The following TBX1 variants were observed in gnomAD, a reference collection of about 807,000 sequenced individuals.
TBX1 encodes the protein T-box transcription factor TBX1.
Under a neutral mutation model 40.8 loss-of-function variants are expected in TBX1, and 16 were observed. The observed-to-expected ratio is 0.39, with a 90% CI of 0.27 to 0.60. The LOEUF (loss-of-function observed/expected upper bound fraction) is 0.60. Ranked by LOEUF, TBX1 falls within the 20% of genes least tolerant of loss-of-function variation. TBX1 has a pLI of 0.51. For synonymous variants in TBX1, 403 were observed against 336.8 expected (o/e 1.20, Z -2.15); for missense variants, 755 against 728.5 (o/e 1.04, Z -0.42).
rs761327170 is a variant in TBX1 at position 19,766,621 on chromosome 22, C to T, written c.1269C>T (p.His423=). The T allele has an allele frequency of 1.9e-6, 3 of 1,543,180 alleles. No individual in the cohort carries two copies. The highest frequency in any genetic ancestry group is 2.6e-6 in the Non-Finnish European group (3 of 1,153,016). The change falls in exon 7 of 7, where the codon CAC becomes CAT. Residue 423 remains histidine, a synonymous_variant. Transcript: ENST00000649276. ...APGASEPLHH[H]PYKYPAAAYD... ...GCGCATCGGAGCCGCTGCACCACCACCCCTACAAATATCCGGCCGCCGCCT... is the reference window on the plus strand; with the variant it reads ...GCGCATCGGAGCCGCTGCACCACCATCCCTACAAATATCCGGCCGCCGCCT...
At chr22:19,776,158 G>A (rs902157150) in intron 8 of TBX1, among the ~76,000 whole-genome samples, 20 of 152,068 alleles carry the variant, frequency 1.3e-4, no homozygotes, top group African/African-American at 4.1e-4. Flanking sequence ...GGGACAGGCA[G>A]TGCTGTGGCC....
intron 8 of TBX1, among the ~76,000 whole-genome samples, chr22:19,778,912 G>A (rs566522405): frequency 8.8e-4 from 134 of 152,192 alleles, no homozygotes; most frequent in African/African-American, 3.1e-3. Context: ...ATAAGACTCC[G>A]TCTCAAACAA....
intron 8 of TBX1, among the ~76,000 whole-genome samples, chr22:19,775,661 ATGGGGCTGC>A (rs1363512076): frequency 6.6e-6 from 1 of 152,130 alleles, no homozygotes; most frequent in African/African-American, 2.4e-5. Context: ...GTCCGGAGCC[ATGGGGCTGC>A]TGTGGCGAGG....
downstream of TBX1, among the ~76,000 whole-genome samples, chr22:19,780,931 C>T (rs1475017387): frequency 2.0e-5 from 3 of 151,776 alleles, no homozygotes; most frequent in East Asian, 3.9e-4. Context: ...TACAGGTGCC[C>T]GCCACCACGC....
exon 9 of TBX1, chr22:19,779,326 G>A (rs1569031725): frequency 1.2e-6 from 2 of 1,614,180 alleles, no homozygotes; most frequent in African/African-American, 1.3e-5. Context: ...TGAACCTGGG[G>A]CTCCCCTGCC....
downstream of TBX1, among the ~76,000 whole-genome samples, chr22:19,768,929 T>C (rs1390415849): frequency 1.4e-5 from 2 of 146,788 alleles, no homozygotes; most frequent in Admixed American, 1.4e-4. Context: ...GGGCCGCCGC[T>C]GGCCATCCGG....
chr22:19,759,734 G>T, upstream of TBX1: 6 of 1,596,142 alleles, frequency 3.8e-6, no homozygotes, highest in Non-Finnish European at 5.1e-6. Flanking sequence ...TGCCTCAGCT[G>T]CTGTGGGGCC....
chr22:19,766,181 C>G, intron 6 of TBX1, 179 bp downstream of exon 6: 1 of 810,794 alleles, frequency 1.2e-6, no homozygotes, highest in Non-Finnish European at 1.5e-6. Flanking sequence ...CTGCGCCCCG[C>G]CCGCCGCCGC....
chr22:19,775,651 G>A (rs1443925321), intron 8 of TBX1, among the ~76,000 whole-genome samples: 1 of 152,174 alleles, frequency 6.6e-6, no homozygotes, highest in Admixed American at 6.5e-5. Context: ...GGAACCACAG[G>A]TCCGGAGCCA....
intron 4 of TBX1, 28 bp downstream of exon 4, chr22:19,765,141 G>A (rs373404421): frequency 4.8e-4 from 771 of 1,614,004 alleles, no homozygotes; most frequent in Non-Finnish European, 5.8e-4. Flanking sequence ...GGACCTGAGC[G>A]GATTCAACGC....
Position 19,767,138 on chromosome 22 carries a change from A to C in TBX1, c.*271A>C. The C allele has an allele frequency of 1.6e-6, 2 of 1,242,052 alleles. No homozygotes were observed. The highest frequency in any genetic ancestry group is 2.0e-6 in the Non-Finnish European group (2 of 992,704). 76.9% of individuals were successfully genotyped at this position (1,242,052 alleles called of 1,614,324 possible). On this transcript the variant is annotated 3_prime_UTR_variant, in exon 7 of 7. Coordinates refer to ENST00000649276, the MANE Select transcript of TBX1 (RefSeq NM_001379200.1). ...AGGGGGTCCCCGCCCGCCAGTGCCA[A>C]AGCGCCCGGTCGGAGGCGGAAGGAA...
chr22:19,766,732 T>A lies in TBX1; in HGVS notation c.1380T>A (p.His460Gln), dbSNP rs367711718. The A allele has an allele frequency of 2.6e-6, 4 of 1,541,362 alleles. No homozygotes were observed. The highest frequency in any genetic ancestry group is 2.6e-6 in the Non-Finnish European group (3 of 1,153,986). The part of the protein sequence containing the change: ...LRGHGYHPHA[H>Q]PHHHHHPVSP... The stretch of plus-strand genomic sequence containing the variant: ...GCCACGGCTACCACCCGCACGCGCA[T>A]CCGCACCACCACCACCACCCCGTGA... Residue 460 changes from histidine to glutamine, a missense_variant, in exon 7 of 7, where the codon CAT becomes CAA. Coordinates refer to ENST00000649276, the MANE Select transcript of TBX1 (RefSeq NM_001379200.1).
At chr22:19,763,363 G>A (rs768559604) in intron 2 of TBX1, 21 bp downstream of exon 2, 20 of 1,612,216 alleles carry the variant, frequency 1.2e-5, no homozygotes, top group Middle Eastern at 1.6e-4. Flanking sequence ...GGTTGTAAGC[G>A]TGAGGGACCG....
chr22:19,758,078 G>A (rs1936526843), upstream of TBX1, among the ~76,000 whole-genome samples: 1 of 152,146 alleles, frequency 6.6e-6, no homozygotes, highest in South Asian at 2.1e-4. Context: ...CTCAGGCCCA[G>A]GGCCAGCCTC....
intron 8 of TBX1, among the ~76,000 whole-genome samples, chr22:19,778,444 T>G (rs552713079): frequency 9.9e-4 from 150 of 151,672 alleles, no homozygotes; most frequent in Non-Finnish European, 6.0e-4. Context: ...TTCTTCTTTT[T>G]TTTTTTTGAG....
chr22:19,779,637 G>A, downstream of TBX1: 1 of 1,022,340 alleles, frequency 9.8e-7, no homozygotes, highest in Non-Finnish European at 1.4e-6. Flanking sequence ...AACATTGACT[G>A]TAAACTCATT....
intron 8 of TBX1, among the ~76,000 whole-genome samples, chr22:19,772,901 G>A (rs1229922587): frequency 2.0e-5 from 3 of 152,174 alleles, no homozygotes; most frequent in African/African-American, 7.2e-5. Context: ...TCTCCAGCCC[G>A]CCTTTGTGAT....
At chr22:19,779,501 T>C (rs1937117712) in exon 9 of TBX1, 2 of 1,579,838 alleles carry the variant, frequency 1.3e-6, no homozygotes, top group Non-Finnish European at 8.6e-7. Flanking sequence ...AACAGTGACT[T>C]GTTCAGTAAA....
intron 4 of TBX1, among the ~76,000 whole-genome samples, chr22:19,765,410 T>G (rs1936798470): frequency 6.6e-6 from 1 of 152,178 alleles, no homozygotes; most frequent in Non-Finnish European, 1.5e-5. Context: ...ATCTGAGGTT[T>G]ACCCAGATTA....
Sources: allele counts gnomAD v4.1 joint callset (sites outside exome capture counted in the v4.1 genomes callset), GRCh38; gene constraint gnomAD v4.1.1; transcripts MANE v1.5; gene names NCBI Gene and HGNC (gene_info 2026-07-23, HGNC 2026-07-21).